NCOR1: variants seen among roughly 807,000 people sequenced by gnomAD.
NCOR1 encodes the protein nuclear receptor corepressor 1.
In NCOR1, 63 loss-of-function variants were observed where a neutral mutation model predicts 288.1. The ratio of observed to expected loss-of-function variants is 0.22; its 90% CI spans 0.18 to 0.27. The LOEUF (loss-of-function observed/expected upper bound fraction) is 0.27. NCOR1 is among the 10% of genes least tolerant of loss of function. NCOR1 has a pLI of 1.00. For synonymous variants in NCOR1, 1,007 were observed against 1,065.9 expected (o/e 0.94, Z 1.08); for missense variants, 2,397 against 3,019.2 (o/e 0.79, Z 4.83).
rs1162344281 is a variant in NCOR1 at position 16,106,854 on chromosome 17, CATATATATATAT to C, written c.2182+1920_2182+1931del. Among the ~76,000 whole-genome samples, 301 of 46,158 alleles carry C rather than the reference CATATATATATAT, an allele frequency of 6.5e-3. 7 individuals are homozygous for C. Among genetic ancestry groups the C allele is most frequent in the African/African-American group, 0.028 (262 of 9,434 alleles). 30.3% of individuals were successfully genotyped at this position (46,158 alleles called of 152,430 possible). A position where few individuals can be genotyped will look rare whatever the true frequency, so the allele number is the denominator to read the frequency against. ...TGGTGCCACCCTACACTTGATCAGA[CATATATATATAT>C]ATATATATATATATATATTTTTTTT... On this transcript the variant is annotated intron_variant, in intron 19 of 45. Transcript: ENST00000268712.
In NCOR1 at chr17:16,108,928, G is replaced by A. The variant is rs748772333; in HGVS notation, c.2056-16C>T. The A allele has an allele frequency of 8.5e-6, 13 of 1,532,024 alleles. No homozygotes were observed. In the South Asian group the frequency reaches 1.0e-4, roughly 12 times the overall value. The allele number at this position is 1,532,024 out of a possible 1,614,324, so 94.9% of individuals were successfully genotyped here. A position where few individuals can be genotyped will look rare whatever the true frequency, so the allele number is the denominator to read the frequency against. ...TTCGTGAAGTCTAAAGGAGGAAAGA[G>A]TATTATTTGATTTAAATAACTAAAA... is the stretch of plus-strand genomic sequence containing the variant. On this transcript the variant is annotated splice_polypyrimidine_tract_variant and intron_variant, in intron 18 of 45. Transcript: ENST00000268712.
intron 1 of NCOR1, among the ~76,000 whole-genome samples, chr17:16,195,553 A>G (rs2089598923): frequency 6.6e-6 from 1 of 152,142 alleles, no homozygotes; most frequent in Non-Finnish European, 1.5e-5. Context: ...TTCTAGACTA[A>G]TTTGATTTAT....
At chr17:16,043,487 T>C (rs1382623419) in intron 42 of NCOR1, among the ~76,000 whole-genome samples, 1 of 152,252 alleles carries the variant, frequency 6.6e-6, no homozygotes, top group Non-Finnish European at 1.5e-5. Context: ...AGTTAGGTAC[T>C]TGTTTCATCA....
At chr17:16,193,941 T>C (rs1318900550) in intron 2 of NCOR1, among the ~76,000 whole-genome samples, 1 of 151,780 alleles carries the variant, frequency 6.6e-6, no homozygotes, top group Non-Finnish European at 1.5e-5. Context: ...TGGTCTACTC[T>C]GATATGATTA....
chr17:16,058,253 T>C lies in NCOR1; in HGVS notation c.6011-189A>G, dbSNP rs545784291. ...AAGTCTGAGGACTAGTGGAACAAAATATAAATGCAGAAGTAAGCAAACAAA... is the reference window on the plus strand; with the variant it reads ...AAGTCTGAGGACTAGTGGAACAAAACATAAATGCAGAAGTAAGCAAACAAA... On this transcript the variant is annotated intron_variant, in intron 38 of 45. Transcript: ENST00000268712. 36 of 872,842 alleles carry C rather than the reference T, an allele frequency of 4.1e-5. No individual in the cohort carries two copies. In the East Asian group the frequency reaches 8.5e-4, roughly 21 times the overall value. The allele number at this position is 872,842 out of a possible 1,614,324, so 54.1% of individuals were successfully genotyped here. A position where few individuals can be genotyped will look rare whatever the true frequency, so the allele number is the denominator to read the frequency against.
At chr17:16,098,649 G>C (rs1206907980) in intron 20 of NCOR1, 153 bp from the exon 21 acceptor site, 3 of 583,420 alleles carry the variant, frequency 5.1e-6, no homozygotes, top group Admixed American at 8.0e-5. Context: ...TATTTGGACA[G>C]TTAAGGAAAA....
At chr17:16,087,256 A>T (rs1339698827) in intron 22 of NCOR1, 3 of 1,304,172 alleles carry the variant, frequency 2.3e-6, no homozygotes, top group African/African-American at 3.0e-5. Context: ...CTACACGGTG[A>T]GGCTGACCTT....
At chr17:16,146,116 T>A (rs1355066222) in intron 10 of NCOR1, among the ~76,000 whole-genome samples, 1 of 152,108 alleles carries the variant, frequency 6.6e-6, no homozygotes, top group Non-Finnish European at 1.5e-5. Flanking sequence ...TTAAGAGTCA[T>A]CACCACTCCC....
At chr17:16,201,228 C>T (rs1191771130) in intron 1 of NCOR1, among the ~76,000 whole-genome samples, 2 of 152,162 alleles carry the variant, frequency 1.3e-5, no homozygotes, top group African/African-American at 2.4e-5. Flanking sequence ...TATCCTACCT[C>T]TTATAAAGTA....
In NCOR1 at chr17:16,161,410, C is replaced by T. The variant is rs2080845977; in HGVS notation, c.619-2537G>A. Among the ~76,000 whole-genome samples the T allele has an allele frequency of 3.3e-5, 5 of 152,248 alleles. No individual in the cohort carries two copies. The South Asian group carries it at 1.0e-3, about 32-fold the overall frequency. ...GTTCAGGTGATTCTCCTACCTCAGT[C>T]TCCCAAGTAGAGTAGCTGGGATTAC... is the stretch of plus-strand genomic sequence containing the variant. On this transcript the variant is annotated intron_variant, in intron 5 of 45. Coordinates refer to ENST00000268712, the MANE Select transcript of NCOR1 (RefSeq NM_006311.4).
chr17:16,045,743 TG>T (rs1351551423), intron 42 of NCOR1, among the ~76,000 whole-genome samples: 1 of 152,114 alleles, frequency 6.6e-6, no homozygotes, highest in East Asian at 1.9e-4. Context: ...TGATCTCAGG[TG>T]ATCAACCCGT....
chr17:16,169,095 T>G (rs1458287272), intron 4 of NCOR1, among the ~76,000 whole-genome samples: 7 of 152,184 alleles, frequency 4.6e-5, no homozygotes, highest in African/African-American at 1.4e-4. Flanking sequence ...GAATACTAAG[T>G]AGCCACTAAC....
chr17:16,107,606 A>G (rs4566208), intron 19 of NCOR1, among the ~76,000 whole-genome samples: 90,648 of 151,886 alleles, frequency 0.6, 27,905 homozygotes, highest in African/African-American at 0.73. Context: ...GCCCAAGGAG[A>G]TTTATTAACC....
intron 1 of NCOR1, among the ~76,000 whole-genome samples, chr17:16,199,146 A>C (rs2153575772): frequency 1.3e-5 from 2 of 149,390 alleles, no homozygotes; most frequent in East Asian, 3.9e-4. Context: ...TAACTTTATT[A>C]TCTCAAAAAA....
chr17:16,195,568 C>A (rs1391061556), intron 1 of NCOR1, among the ~76,000 whole-genome samples: 1 of 152,112 alleles, frequency 6.6e-6, no homozygotes, highest in Non-Finnish European at 1.5e-5. Context: ...ATTTATCTGT[C>A]TTTTCTTGTG....
chr17:16,184,772 T>C (rs2086254823), intron 3 of NCOR1, among the ~76,000 whole-genome samples: 1 of 152,134 alleles, frequency 6.6e-6, no homozygotes, highest in Non-Finnish European at 1.5e-5. Context: ...TCCCATGTTA[T>C]TGCAGCTAAT....
At chr17:16,091,245 A>C (rs1225694561) in intron 22 of NCOR1, among the ~76,000 whole-genome samples, 1 of 152,256 alleles carries the variant, frequency 6.6e-6, no homozygotes, top group East Asian at 1.9e-4. Flanking sequence ...AACGTGCTAC[A>C]TTATACATAA....
intron 5 of NCOR1, 53 bp from the exon 6 acceptor site, chr17:16,158,926 A>G: frequency 7.9e-7 from 1 of 1,265,030 alleles, no homozygotes; most frequent in Non-Finnish European, 1.1e-6. Context: ...CACACCCAGC[A>G]GTGATTAACC....
intron 2 of NCOR1, among the ~76,000 whole-genome samples, chr17:16,188,427 C>A (rs1366385891): frequency 6.6e-6 from 1 of 151,644 alleles, no homozygotes; most frequent in Non-Finnish European, 1.5e-5. Context: ...CTGGCCAACA[C>A]AGTGAAACCC....
Sources: allele counts gnomAD v4.1 joint callset (sites outside exome capture counted in the v4.1 genomes callset), GRCh38; gene constraint gnomAD v4.1.1; transcripts MANE v1.5; gene names NCBI Gene and HGNC (gene_info 2026-07-23, HGNC 2026-07-21).